Variants in RPS6KA6 observed in about 807,000 individuals in gnomAD.
RPS6KA6 encodes ribosomal protein S6 kinase A6.
A neutral mutation model predicts 65.4 loss-of-function variants in RPS6KA6; 27 were observed. That is an observed-to-expected ratio of 0.41 (90% CI 0.30 to 0.57). The LOEUF (loss-of-function observed/expected upper bound fraction) is 0.57, where lower values mean the gene tolerates loss of function less well. Ranked by LOEUF, RPS6KA6 falls within the 20% of genes least tolerant of loss-of-function variation. RPS6KA6 has a pLI of 0.24. For synonymous variants in RPS6KA6, 190 were observed against 184.2 expected (o/e 1.03, Z -0.26); for missense variants, 486 against 555.6 (o/e 0.87, Z 1.26).
intron 20 of RPS6KA6, among the ~76,000 whole-genome samples, chrX:84,094,478 T>TA (rs1013036057): frequency 1.9e-5 from 2 of 106,434 alleles, no homozygotes; most frequent in South Asian, 4.3e-4. Flanking sequence ...CCATCTGTAC[T>TA]AAAAAAAATA....
intron 12 of RPS6KA6, among the ~76,000 whole-genome samples, chrX:84,112,004 T>C (rs2034479040): frequency 9.1e-6 from 1 of 110,491 alleles, no homozygotes; most frequent in Non-Finnish European, 1.9e-5. Context: ...AGCATGCAAA[T>C]AAAAAACACA....
chrX:84,183,765 C>T (rs2035890864), intron 1 of RPS6KA6, among the ~76,000 whole-genome samples: 1 of 111,045 alleles, frequency 9.0e-6, no homozygotes, highest in African/African-American at 3.3e-5. Flanking sequence ...GCTCAAATTC[C>T]ACCTCCTTCA....
intron 1 of RPS6KA6, among the ~76,000 whole-genome samples, chrX:84,178,058 G>A: frequency 8.9e-6 from 1 of 111,816 alleles, no homozygotes; most frequent in Non-Finnish European, 1.9e-5. Context: ...CTCCCAAAGT[G>A]CTGGGATTAC....
chrX:84,141,409 T>TAA lies in RPS6KA6; in HGVS notation c.501+4067_501+4068dup, dbSNP rs542670755. ...AACAGCAGAGATAAAAATGAAATTG[T>TAA]AAAAAAAAAAAAAGTAATTAAAAAG... On this transcript the variant is annotated intron_variant, in intron 6 of 21. Transcript: ENST00000262752. Among the ~76,000 whole-genome samples, 64 of 87,768 alleles carry TAA rather than the reference T, an allele frequency of 7.3e-4. No individual in the cohort carries two copies. The South Asian group carries it at 0.025, about 34-fold the overall frequency. The allele number at this position is 87,768 out of a possible 115,157, so 76.2% of individuals were successfully genotyped here. A position where few individuals can be genotyped will look rare whatever the true frequency, so the allele number is the denominator to read the frequency against.
At chrX:84,119,828 A>G in intron 9 of RPS6KA6, 57 bp downstream of exon 9, 1 of 971,494 alleles carries the variant, frequency 1.0e-6, no homozygotes, top group Non-Finnish European at 1.4e-6. Flanking sequence ...ATTAAAATAA[A>G]ATTATAAGTA....
chrX:84,188,122 CTG>C lies in RPS6KA6; in HGVS notation c.-225_-224del, dbSNP rs1453637147. Among the ~76,000 whole-genome samples the C allele has an allele frequency of 2.7e-5, 3 of 111,014 alleles. No homozygotes were observed. The highest frequency in any genetic ancestry group is 5.7e-5 in the Non-Finnish European group (3 of 52,744). On this transcript the variant is annotated 5_prime_UTR_variant, in exon 1 of 22. Coordinates refer to ENST00000262752, the MANE Select transcript of RPS6KA6 (RefSeq NM_014496.5). ...GGTGATTCCCATAGAGAAGACAACTCTGTGCTGCCTCTCCAAGAGCTGCCGCT... is the reference window on the plus strand; with the variant it reads ...GGTGATTCCCATAGAGAAGACAACTCTGCTGCCTCTCCAAGAGCTGCCGCT...
At chrX:84,159,941 C>A (rs1346542196) in intron 2 of RPS6KA6, among the ~76,000 whole-genome samples, 2 of 110,830 alleles carry the variant, frequency 1.8e-5, no homozygotes, top group South Asian at 7.6e-4. Context: ...GAAAAACCAA[C>A]CCTGCCAACA....
chrX:84,093,037 G>T (rs1457272928), intron 20 of RPS6KA6, among the ~76,000 whole-genome samples: 2 of 112,208 alleles, frequency 1.8e-5, no homozygotes, highest in Non-Finnish European at 3.8e-5. Flanking sequence ...TTGTGGCAAC[G>T]TGGATTAACC....
chrX:84,153,836 C>G (rs1569237177), intron 3 of RPS6KA6, among the ~76,000 whole-genome samples: 1 of 111,297 alleles, frequency 9.0e-6, no homozygotes. Context: ...CTTAATATTT[C>G]TTTGGTTGAT....
intron 2 of RPS6KA6, among the ~76,000 whole-genome samples, chrX:84,157,805 A>G (rs1225410091): frequency 9.0e-6 from 1 of 110,998 alleles, no homozygotes; most frequent in Non-Finnish European, 1.9e-5. Flanking sequence ...AAATTGTACT[A>G]TAGTTAGTTT....
intron 3 of RPS6KA6, among the ~76,000 whole-genome samples, chrX:84,150,266 G>A (rs2035276764): frequency 9.0e-6 from 1 of 111,380 alleles, no homozygotes; most frequent in Admixed American, 9.6e-5. Flanking sequence ...CTCCATATCA[G>A]TAATAAGGCT....
At chrX:84,083,701 T>C (rs1253085014) in intron 20 of RPS6KA6, among the ~76,000 whole-genome samples, 1 of 112,343 alleles carries the variant, frequency 8.9e-6, no homozygotes, top group Admixed American at 9.5e-5. Flanking sequence ...TGTATCTTTA[T>C]AAGAGAATTA....
chrX:84,103,056 A>C (rs1243341492), intron 17 of RPS6KA6, among the ~76,000 whole-genome samples: 1 of 111,401 alleles, frequency 9.0e-6, no homozygotes, highest in Non-Finnish European at 1.9e-5. Context: ...TACCCACTTA[A>C]ACAAATGAAA....
intron 1 of RPS6KA6, among the ~76,000 whole-genome samples, chrX:84,172,499 C>T (rs1056065989): frequency 8.9e-6 from 1 of 111,773 alleles, no homozygotes; most frequent in Non-Finnish European, 1.9e-5. Context: ...AAATTGGAAC[C>T]TCTGTGCACT....
rs751602149 is a variant in RPS6KA6, at chrX:84,187,975, CCCG to C, written c.-79_-77del. On this transcript the variant is annotated 5_prime_UTR_variant, in exon 1 of 22. Transcript: ENST00000262752. ...CCGCGCATCCTGTCTATTGAACTGGCCCGCCGCCGCCGCCGCCGCCGCCGCCGC... is the reference window on the plus strand; with the variant it reads ...CCGCGCATCCTGTCTATTGAACTGGCCCGCCGCCGCCGCCGCCGCCGCCGC... 13,948 of 708,678 alleles carry C rather than the reference CCCG, an allele frequency of 0.02. 2 individuals are homozygous for C. Among genetic ancestry groups the C allele is most frequent in the South Asian group, 0.028 (653 of 23,445 alleles). 58.4% of individuals were successfully genotyped at this position (708,678 alleles called of 1,213,427 possible). A position where few individuals can be genotyped will look rare whatever the true frequency, so the allele number is the denominator to read the frequency against.
At chrX:84,142,267 C>T (rs1338785154) in intron 6 of RPS6KA6, among the ~76,000 whole-genome samples, 1 of 111,102 alleles carries the variant, frequency 9.0e-6, no homozygotes, top group Admixed American at 9.6e-5. Flanking sequence ...TTCTAAATAT[C>T]AATGGGTCAA....
Position 84,065,042 on chromosome X carries a change from A to C in RPS6KA6, c.2041T>G (p.Ser681Ala). The change falls in exon 21 of 22, where the codon TCA (serine) becomes GCA (alanine). Residue 681 changes from serine (S) to alanine (A), a missense_variant. By Grantham distance (99) the Ser-to-Ala change is moderately conservative. Around this residue, in one of 3 missense-constraint regions of RPS6KA6, gnomAD observed 345 missense variants for 375.0 expected, o/e 0.92. Coordinates refer to ENST00000262752, the MANE Select transcript of RPS6KA6 (RefSeq NM_014496.5). ...RYTAEQILKH[S>A]WITHRDQLPN... ...AACTGGTCTCTGTGAGTTATCCATG[A>C]GTGCTTTAATATTTGTTCAGCAGTA... 1 of 1,202,595 alleles carries C rather than the reference A, an allele frequency of 8.3e-7. No individual in the cohort carries two copies. The highest frequency in any genetic ancestry group is 1.1e-6 in the Non-Finnish European group (1 of 887,738).
intron 1 of RPS6KA6, among the ~76,000 whole-genome samples, chrX:84,172,897 AG>A (rs1477054200): frequency 5.4e-5 from 6 of 111,470 alleles, no homozygotes; most frequent in African/African-American, 2.0e-4. Context: ...CATTTATATA[AG>A]GTATCTAGAA....
intron 12 of RPS6KA6, among the ~76,000 whole-genome samples, chrX:84,113,217 C>T (rs950570290): frequency 9.0e-6 from 1 of 111,120 alleles, no homozygotes; most frequent in Non-Finnish European, 1.9e-5. Context: ...GGTCTAGAAA[C>T]AAGTTTTTCC....
Sources: gnomAD v4.1 joint callset for allele counts (sites outside exome capture counted in the v4.1 genomes callset) on GRCh38, gnomAD v4.1.1 for gene constraint, gnomAD v4.1.1 regional missense constraint, MANE v1.5 for transcripts, NCBI Gene and HGNC (gene_info 2026-07-23, HGNC 2026-07-21) for gene names.